OCLN: variants seen among roughly 807,000 people sequenced by gnomAD.
OCLN encodes occludin.
Under a neutral mutation model 47.9 loss-of-function variants are expected in OCLN, and 21 were observed. That is an observed-to-expected ratio of 0.44 (90% CI 0.31 to 0.63). OCLN has a LOEUF of 0.63. Ranked by LOEUF, OCLN falls within the 30% of genes least tolerant of loss-of-function variation. The probability of loss-of-function intolerance (pLI) is 0.08; values close to 1 mark genes in which losing one functional copy is unlikely to be tolerated. For missense variants in OCLN, 360 were observed against 571.0 expected (o/e 0.63, Z 3.77); for synonymous variants, 117 against 198.4 (o/e 0.59, Z 3.45).
At chr5:69,519,255 TC>T (rs1355368021) in intron 4 of OCLN, among the ~76,000 whole-genome samples, 1 of 152,220 alleles carries the variant, frequency 6.6e-6, no homozygotes, top group Non-Finnish European at 1.5e-5. Context: ...CTTACTGACT[TC>T]CTTCTTGGAT....
chr5:69,501,171 C>T (rs1561330250), intron 1 of OCLN, among the ~76,000 whole-genome samples: 1 of 152,182 alleles, frequency 6.6e-6, no homozygotes, highest in Non-Finnish European at 1.5e-5. Flanking sequence ...CCTGTCTCCA[C>T]CTCCCAAGTG....
chr5:69,536,294 A>C (rs1047904294), intron 5 of OCLN, among the ~76,000 whole-genome samples: 1 of 147,678 alleles, frequency 6.8e-6, no homozygotes, highest in African/African-American at 2.5e-5. Context: ...CACTAAATTT[A>C]CTAAACATTT....
chr5:69,546,543 T>A, intron 6 of OCLN, among the ~76,000 whole-genome samples: 1 of 142,728 alleles, frequency 7.0e-6, no homozygotes, highest in African/African-American at 2.8e-5. Flanking sequence ...AGTGGCACGA[T>A]CTTGGCTCAC....
At chr5:69,521,590 T>G (rs980736524) in intron 4 of OCLN, among the ~76,000 whole-genome samples, 1 of 152,206 alleles carries the variant, frequency 6.6e-6, no homozygotes, top group Non-Finnish European at 1.5e-5. Flanking sequence ...GCTATGGTTG[T>G]GTCACTGTAC....
At chr5:69,546,626 C>CG (rs1230154901) in intron 6 of OCLN, among the ~76,000 whole-genome samples, 1 of 125,822 alleles carries the variant, frequency 7.9e-6, no homozygotes, top group African/African-American at 3.2e-5. Flanking sequence ...TACAGGCATG[C>CG]GCCACCACAC....
intron 2 of OCLN, among the ~76,000 whole-genome samples, chr5:69,504,712 G>A (rs1458974139): frequency 2.6e-5 from 4 of 152,124 alleles, no homozygotes; most frequent in Non-Finnish European, 5.9e-5. Context: ...CGAGGCTGGC[G>A]GATCACAAGG....
chr5:69,526,711 G>A (rs1769290470), intron 4 of OCLN, among the ~76,000 whole-genome samples: 2 of 152,236 alleles, frequency 1.3e-5, no homozygotes, highest in South Asian at 4.1e-4. Context: ...GTTACAACCT[G>A]TAAGGTGGCC....
intron 4 of OCLN, among the ~76,000 whole-genome samples, chr5:69,515,780 C>T (rs1172056829): frequency 1.0e-4 from 15 of 149,020 alleles, no homozygotes; most frequent in Non-Finnish European, 1.5e-4. Context: ...ACTTCTCAGA[C>T]GGGGCGGCTG....
rs144343219 is a variant in OCLN, at chr5:69,499,370, T to C, written c.-68-4807T>C. Among the ~76,000 whole-genome samples the C allele has an allele frequency of 4.4e-3, 671 of 152,288 alleles. 4 individuals carry two copies. Among genetic ancestry groups the C allele is most frequent in the Non-Finnish European group, 7.5e-3 (513 of 68,024 alleles). Reference sequence around the variant, plus strand: ...GATTACAGGTGTGAGCCACTGTACCTGCCCTGTAATTTTTAATTTTTTTTT... The same window carrying C: ...GATTACAGGTGTGAGCCACTGTACCCGCCCTGTAATTTTTAATTTTTTTTT... On this transcript the variant is annotated intron_variant, in intron 1 of 8. Transcript: ENST00000396442.
At chr5:69,532,766 G>A (rs1769467182) in intron 4 of OCLN, among the ~76,000 whole-genome samples, 1 of 151,850 alleles carries the variant, frequency 6.6e-6, no homozygotes, top group Admixed American at 6.6e-5. Flanking sequence ...TCAGGAGTTC[G>A]AGACCAGCTT....
intron 2 of OCLN, 80 bp from the exon 3 acceptor site, chr5:69,509,061 A>T: frequency 2.5e-6 from 3 of 1,206,672 alleles, no homozygotes; most frequent in Non-Finnish European, 3.7e-6. Context: ...CCAATGGTTT[A>T]AATTATTCCA....
intron 4 of OCLN, among the ~76,000 whole-genome samples, chr5:69,533,086 T>C (rs915296543): frequency 2.1e-5 from 3 of 144,548 alleles, no homozygotes; most frequent in South Asian, 2.1e-4. Context: ...CATATATATA[T>C]ATACACACAC....
intron 4 of OCLN, among the ~76,000 whole-genome samples, chr5:69,531,115 ACTTC>A (rs1769420205): frequency 2.0e-5 from 3 of 152,260 alleles, no homozygotes; most frequent in Non-Finnish European, 4.4e-5. Context: ...ATGATCTGTC[ACTTC>A]AATATTTGGC....
At chr5:69,507,898 G>C (rs1768652904) in intron 2 of OCLN, among the ~76,000 whole-genome samples, 1 of 152,172 alleles carries the variant, frequency 6.6e-6, no homozygotes, top group African/African-American at 2.4e-5. Flanking sequence ...GAGCCACCGT[G>C]CCTGGCCAAA....
chr5:69,526,395 G>A (rs1037003006), intron 4 of OCLN, among the ~76,000 whole-genome samples: 2 of 152,152 alleles, frequency 1.3e-5, no homozygotes, highest in Non-Finnish European at 2.9e-5. Context: ...CTCACAGGCT[G>A]GGCGACCAAA....
chr5:69,504,233 T>A lies in OCLN; in HGVS notation c.-12T>A. The A allele has an allele frequency of 1.2e-6, 2 of 1,601,992 alleles. No homozygotes were observed. The highest frequency in any genetic ancestry group is 3.3e-5 in the Admixed American group (2 of 60,006). On this transcript the variant is annotated 5_prime_UTR_variant, in exon 2 of 9. Coordinates refer to ENST00000396442, the MANE Select transcript of OCLN (RefSeq NM_001205254.2). ...CTCATCCTGAAGATCAGCTGACCATTGACAATCAGCCATGTCATCCAGGCC... is the reference window on the plus strand; with the variant it reads ...CTCATCCTGAAGATCAGCTGACCATAGACAATCAGCCATGTCATCCAGGCC...
intron 4 of OCLN, among the ~76,000 whole-genome samples, chr5:69,521,571 C>T (rs903072735): frequency 6.6e-6 from 1 of 152,060 alleles, no homozygotes; most frequent in South Asian, 2.1e-4. Flanking sequence ...AGAGTTGAGG[C>T]TGCAGTGAGC....
At chr5:69,508,485 C>T (rs773634089) in intron 2 of OCLN, among the ~76,000 whole-genome samples, 41 of 152,032 alleles carry the variant, frequency 2.7e-4, no homozygotes, top group Admixed American at 1.3e-4. Flanking sequence ...GGATTACAGG[C>T]GCATGCCACC....
Position 69,497,928 on chromosome 5 carries a change from C to T in OCLN, c.-69+5028C>T, listed in dbSNP as rs1010132766. 2.4e-4 allele frequency among the ~76,000 whole-genome samples: 37 copies of T among 151,712 alleles called. 1 individual carries two copies. In the South Asian group the frequency reaches 3.8e-3, roughly 15 times the overall value. ...CGGGCGGATCACGAGGTCAGGAGATCGAGACCATCCCGGCTAAAACGGTGA... is the reference window on the plus strand; with the variant it reads ...CGGGCGGATCACGAGGTCAGGAGATTGAGACCATCCCGGCTAAAACGGTGA... On this transcript the variant is annotated intron_variant, in intron 1 of 8. Coordinates refer to ENST00000396442, the MANE Select transcript of OCLN (RefSeq NM_001205254.2).
Sources: gnomAD v4.1 joint callset for allele counts (sites outside exome capture counted in the v4.1 genomes callset) on GRCh38, gnomAD v4.1.1 for gene constraint, MANE v1.5 for transcripts, NCBI Gene and HGNC (gene_info 2026-07-23, HGNC 2026-07-21) for gene names.